Variants in GMEB1 observed in about 807,000 individuals in gnomAD.
GMEB1 encodes glucocorticoid modulatory element binding protein 1.
In GMEB1, 6 loss-of-function variants were observed where a neutral mutation model predicts 52.4. The ratio of observed to expected loss-of-function variants is 0.11; its 90% CI spans 0.06 to 0.23. The LOEUF (loss-of-function observed/expected upper bound fraction) is 0.23, where lower values mean the gene tolerates loss of function less well. Ranked by LOEUF, GMEB1 falls within the 10% of genes least tolerant of loss-of-function variation. GMEB1 has a pLI of 1.00. For missense variants in GMEB1, 486 were observed against 685.6 expected (o/e 0.71, Z 3.25); for synonymous variants, 255 against 244.9 (o/e 1.04, Z -0.38).
intron 1 of GMEB1, among the ~76,000 whole-genome samples, chr1:28,672,865 G>A (rs561843897): frequency 1.3e-5 from 2 of 149,508 alleles, no homozygotes; most frequent in East Asian, 2.0e-4. Context: ...TCAGCCTCCC[G>A]AGTACTGGGA....
intron 1 of GMEB1, among the ~76,000 whole-genome samples, chr1:28,677,567 A>G (rs1286770837): frequency 6.6e-6 from 1 of 152,238 alleles, no homozygotes; most frequent in Non-Finnish European, 1.5e-5. Context: ...GCTACTTGCC[A>G]AAGTATTACA....
chr1:28,684,739 G>C (rs1014082719), intron 2 of GMEB1, among the ~76,000 whole-genome samples: 2 of 152,010 alleles, frequency 1.3e-5, no homozygotes, highest in Non-Finnish European at 2.9e-5. Context: ...GGGCCTGTTG[G>C]GGGGTGAGGG....
intron 1 of GMEB1, among the ~76,000 whole-genome samples, chr1:28,676,913 A>C (rs1669177619): frequency 6.6e-6 from 1 of 151,008 alleles, no homozygotes; most frequent in Non-Finnish European, 1.5e-5. Flanking sequence ...GATTAGCTAG[A>C]CATGGTGGCG....
chr1:28,700,232 G>C (rs1435079550), intron 6 of GMEB1, among the ~76,000 whole-genome samples: 1 of 151,948 alleles, frequency 6.6e-6, no homozygotes, highest in Non-Finnish European at 1.5e-5. Context: ...GCTGGGCATG[G>C]CTGGGCGCGG....
chr1:28,687,971 A>G lies in GMEB1; in HGVS notation c.129-2133A>G, dbSNP rs139843246. Among the ~76,000 whole-genome samples, 353 of 152,252 alleles carry G rather than the reference A, an allele frequency of 2.3e-3. 6 individuals are homozygous for G. Among genetic ancestry groups the G allele is most frequent in the Admixed American group, 0.015 (236 of 15,258 alleles). ...TATTTTAGACATAACGAATTCGACA[A>G]AGTCCTGTGGGACTTCCAAATGTAT... On this transcript the variant is annotated intron_variant, in intron 2 of 9. Transcript: ENST00000373816.
intron 1 of GMEB1, among the ~76,000 whole-genome samples, chr1:28,682,537 G>C (rs1022998303): frequency 3.3e-5 from 5 of 150,406 alleles, no homozygotes; most frequent in Non-Finnish European, 5.9e-5. Context: ...CAGGAGAATC[G>C]CTTGAGCTTG....
At chr1:28,709,973 C>G (rs536290195) in intron 8 of GMEB1, among the ~76,000 whole-genome samples, 2 of 151,736 alleles carry the variant, frequency 1.3e-5, no homozygotes, top group Non-Finnish European at 1.5e-5. Context: ...GTGGTGAAAC[C>G]CCATCTCTAC....
At chr1:28,679,803 T>C (rs1313482650) in intron 1 of GMEB1, among the ~76,000 whole-genome samples, 1 of 136,688 alleles carries the variant, frequency 7.3e-6, no homozygotes, top group Non-Finnish European at 1.6e-5. Flanking sequence ...TGGCTCACAC[T>C]TTTTTTTTTT....
At chr1:28,698,426 A>G (rs547630403) in intron 6 of GMEB1, among the ~76,000 whole-genome samples, 5 of 152,048 alleles carry the variant, frequency 3.3e-5, no homozygotes, top group South Asian at 4.2e-4. Flanking sequence ...CTGTAATCCC[A>G]GCACTTTGGG....
intron 2 of GMEB1, among the ~76,000 whole-genome samples, chr1:28,686,167 C>T (rs1398803078): frequency 6.6e-6 from 1 of 151,648 alleles, no homozygotes; most frequent in Non-Finnish European, 1.5e-5. Context: ...ATGGCGAGAC[C>T]CTGTCTCTAC....
At chr1:28,694,609 T>C (rs564886335) in intron 5 of GMEB1, among the ~76,000 whole-genome samples, 1 of 151,614 alleles carries the variant, frequency 6.6e-6, no homozygotes, top group Admixed American at 6.6e-5. Context: ...CCCTCCAAAG[T>C]AGGTTGGACT....
rs1399256461 is a variant in GMEB1 at position 28,687,379 on chromosome 1, C to CAAAAAAAAAAA, written c.129-2724_129-2723insAAAAAAAAAAA. ...ACACACACACACACACACACACACA[C>CAAAAAAAAAAA]ACACACACAAAAAAAGACAGTGGAG... On this transcript the variant is annotated intron_variant, in intron 2 of 9. Coordinates refer to ENST00000373816, the MANE Select transcript of GMEB1 (RefSeq NM_001319674.2). Among the ~76,000 whole-genome samples, 12 of 16,374 alleles carry CAAAAAAAAAAA rather than the reference C, an allele frequency of 7.3e-4. 3 individuals are homozygous for CAAAAAAAAAAA. The highest frequency in any genetic ancestry group is 5.6e-3 in the South Asian group (2 of 360). 10.7% of individuals were successfully genotyped at this position (16,374 alleles called of 152,430 possible). A position where few individuals can be genotyped will look rare whatever the true frequency, so the allele number is the denominator to read the frequency against.
chr1:28,718,452 A>G lies in GMEB1; in HGVS notation c.*3679A>G, dbSNP rs1451686946. 2 of 152,148 alleles carry G rather than the reference A, an allele frequency of 1.3e-5. No homozygotes were observed. The highest frequency in any genetic ancestry group is 2.4e-5 in the African/African-American group (1 of 41,430). 9.4% of individuals were successfully genotyped at this position (152,148 alleles called of 1,614,324 possible). ...ATCTCTATAAAAAAATGTAAAAATTAGTCAAGTCTTGTGGCTCGCACTTGT... is the reference window on the plus strand; with the variant it reads ...ATCTCTATAAAAAAATGTAAAAATTGGTCAAGTCTTGTGGCTCGCACTTGT... On this transcript the variant is annotated 3_prime_UTR_variant, in exon 10 of 10. Transcript: ENST00000373816.
In GMEB1 at chr1:28,690,203, G is replaced by GGT. The variant is rs879212606; in HGVS notation, c.211+17_211+18insGT. The GGT allele has an allele frequency of 0.013, 6,894 of 513,842 alleles. 84 individuals are homozygous for GGT. Among genetic ancestry groups the GGT allele is most frequent in the South Asian group, 0.022 (939 of 42,370 alleles). 31.8% of individuals were successfully genotyped at this position (513,842 alleles called of 1,614,324 possible). A position where few individuals can be genotyped will look rare whatever the true frequency, so the allele number is the denominator to read the frequency against. ...AAGGGATTGGTAAGGGTTTTTTTGT[G>GGT]TTTTTTTTTTTTTTTTTTTTTGTCA... On this transcript the variant is annotated intron_variant, in intron 3 of 9. Coordinates refer to ENST00000373816, the MANE Select transcript of GMEB1 (RefSeq NM_001319674.2).
At position 28,715,344 on chromosome 1, in the gene GMEB1, A is replaced by G. The variant is rs1395864867; in HGVS notation, c.*571A>G. On this transcript the variant is annotated 3_prime_UTR_variant, in exon 10 of 10. Coordinates refer to ENST00000373816, the MANE Select transcript of GMEB1 (RefSeq NM_001319674.2). ...CCGGGCGTGGTGGCTCACGCCTGCA[A>G]TCCCAGCACTTTGGGAGGCCGAGGC... 6.5e-6 allele frequency: 1 copy of G among 153,100 alleles called. No individual in the cohort carries two copies. Among genetic ancestry groups the G allele is most frequent in the Non-Finnish European group, 1.5e-5 (1 of 68,732 alleles). 9.5% of individuals were successfully genotyped at this position (153,100 alleles called of 1,614,324 possible).
At chr1:28,677,636 G>T (rs1669218496) in intron 1 of GMEB1, among the ~76,000 whole-genome samples, 1 of 152,122 alleles carries the variant, frequency 6.6e-6, no homozygotes, top group South Asian at 2.1e-4. Flanking sequence ...GCTCAATAAA[G>T]GTTAGCTGAT....
chr1:28,669,835 C>T (rs982702503), intron 1 of GMEB1, among the ~76,000 whole-genome samples: 1 of 152,146 alleles, frequency 6.6e-6, no homozygotes, highest in Admixed American at 6.5e-5. Context: ...AGGAATTGGC[C>T]AGGTGTTATC....
rs181303243 is a variant in GMEB1, at chr1:28,693,407, C to T, written c.440+362C>T. 1.6e-3 allele frequency among the ~76,000 whole-genome samples: 246 copies of T among 151,810 alleles called. 1 individual carries two copies. The highest frequency in any genetic ancestry group is 5.4e-3 in the African/African-American group (223 of 41,404). Reference sequence around the variant, plus strand: ...TAATTTTTTGTATTTTCAGTAGAGACGGGGTTTCACCATGTTGGTCAGGCT... The same window carrying T: ...TAATTTTTTGTATTTTCAGTAGAGATGGGGTTTCACCATGTTGGTCAGGCT... On this transcript the variant is annotated intron_variant, in intron 5 of 9. Coordinates refer to ENST00000373816, the MANE Select transcript of GMEB1 (RefSeq NM_001319674.2).
intron 3 of GMEB1, 135 bp downstream of exon 3, chr1:28,690,321 T>C: frequency 2.0e-6 from 1 of 510,258 alleles, no homozygotes; most frequent in Non-Finnish European, 3.4e-6. Context: ...CTACCAGTAC[T>C]ACAGCCCTCG....
Sources: gnomAD v4.1 joint callset for allele counts (sites outside exome capture counted in the v4.1 genomes callset) on GRCh38, gnomAD v4.1.1 for gene constraint, MANE v1.5 for transcripts, NCBI Gene and HGNC (gene_info 2026-07-23, HGNC 2026-07-21) for gene names.